Variants in PKN2 observed in about 807,000 individuals in gnomAD.
The protein encoded by PKN2 is serine/threonine-protein kinase N2.
A neutral mutation model predicts 119.1 loss-of-function variants in PKN2; 38 were observed. The ratio of observed to expected loss-of-function variants is 0.32; its 90% CI spans 0.25 to 0.42. The LOEUF (loss-of-function observed/expected upper bound fraction) is 0.42, where lower values mean the gene tolerates loss of function less well. Among genes scored for constraint, PKN2 ranks in the 10% least tolerant of loss-of-function variants. The probability of loss-of-function intolerance (pLI) is 1.00; values close to 1 mark genes in which losing one functional copy is unlikely to be tolerated. For missense variants in PKN2, 850 were observed against 1,165.1 expected (o/e 0.73, Z 3.94); for synonymous variants, 390 against 384.9 (o/e 1.01, Z -0.15).
At chr1:88,724,541 A>G (rs544733184) in intron 1 of PKN2, among the ~76,000 whole-genome samples, 1 of 151,744 alleles carries the variant, frequency 6.6e-6, no homozygotes, top group Non-Finnish European at 1.5e-5. Context: ...AACATTGAAG[A>G]AAGTGGCATT....
At chr1:88,809,743 T>TC (rs1671704174) in intron 15 of PKN2, among the ~76,000 whole-genome samples, 2 of 152,152 alleles carry the variant, frequency 1.3e-5, no homozygotes, top group Admixed American at 6.5e-5. Context: ...TGCCTCAGCT[T>TC]CCCATTGGGA....
chr1:88,806,095 G>C (rs1671527174), intron 12 of PKN2, 78 bp downstream of exon 12: 1 of 1,215,134 alleles, frequency 8.2e-7, no homozygotes, highest in East Asian at 2.3e-5. Flanking sequence ...AATAAGGCGT[G>C]TCTTTCCATT....
At chr1:88,805,170 C>T (rs1671487427) in intron 10 of PKN2, among the ~76,000 whole-genome samples, 1 of 152,100 alleles carries the variant, frequency 6.6e-6, no homozygotes, top group East Asian at 1.9e-4. Context: ...CCTCTCACTA[C>T]TTTCTCAAAT....
At chr1:88,820,699 T>C (rs1672244901) in intron 16 of PKN2, among the ~76,000 whole-genome samples, 1 of 152,248 alleles carries the variant, frequency 6.6e-6, no homozygotes, top group Admixed American at 6.5e-5. Flanking sequence ...TGAACGGCAG[T>C]GGAATGAGGT....
At chr1:88,821,546 T>TA (rs1672291081) in intron 16 of PKN2, among the ~76,000 whole-genome samples, 2 of 152,178 alleles carry the variant, frequency 1.3e-5, no homozygotes, top group Admixed American at 1.3e-4. Context: ...ACACCAAACT[T>TA]ACTTGTTATC....
At chr1:88,792,358 G>A (rs954070474) in intron 8 of PKN2, among the ~76,000 whole-genome samples, 3 of 152,156 alleles carry the variant, frequency 2.0e-5, no homozygotes, top group Admixed American at 6.6e-5. Flanking sequence ...AGCCAAGATC[G>A]TGCCACTGGA....
chr1:88,726,019 T>C (rs1044364710), intron 1 of PKN2, among the ~76,000 whole-genome samples: 1 of 152,240 alleles, frequency 6.6e-6, no homozygotes, highest in Non-Finnish European at 1.5e-5. Context: ...TGTTAGTATA[T>C]AGAAGAATGA....
chr1:88,807,267 T>C, intron 12 of PKN2, 46 bp from the exon 13 acceptor site: 1 of 1,245,394 alleles, frequency 8.0e-7, no homozygotes, highest in Admixed American at 2.5e-5. Flanking sequence ...AAATAAGTTG[T>C]TTTCTGGGTA....
intron 1 of PKN2, among the ~76,000 whole-genome samples, chr1:88,691,188 C>A (rs1462832839): frequency 2.0e-5 from 3 of 152,008 alleles, no homozygotes; most frequent in African/African-American, 7.3e-5. Context: ...CTCAGCCTCC[C>A]AAGTAGCTGG....
intron 6 of PKN2, among the ~76,000 whole-genome samples, chr1:88,782,925 C>T (rs1051208180): frequency 2.6e-5 from 4 of 152,186 alleles, no homozygotes; most frequent in Admixed American, 2.6e-4. Flanking sequence ...TTCTAGGACA[C>T]AGTTACTTGG....
chr1:88,773,843 G>A (rs780909857), intron 6 of PKN2, among the ~76,000 whole-genome samples: 1 of 152,030 alleles, frequency 6.6e-6, no homozygotes, highest in Non-Finnish European at 1.5e-5. Flanking sequence ...TAATCCTGGT[G>A]GTAACTACTG....
Position 88,795,247 on chromosome 1 carries a change from T to C in PKN2, c.1281+9034T>C, listed in dbSNP as rs552144400. ...CTCTCTCTTTCCTGTTTACAGTCTA[T>C]GATCATTCAAGTTGCCCTCTAGTTT... On this transcript the variant is annotated intron_variant, in intron 8 of 21. Coordinates refer to ENST00000370521, the MANE Select transcript of PKN2 (RefSeq NM_006256.4). Among the ~76,000 whole-genome samples, 10 of 152,326 alleles carry C rather than the reference T, an allele frequency of 6.6e-5. No individual in the cohort carries two copies. In the South Asian group the frequency reaches 2.1e-3, roughly 32 times the overall value.
At chr1:88,716,615 C>G (rs192881658) in intron 1 of PKN2, among the ~76,000 whole-genome samples, 16 of 152,112 alleles carry the variant, frequency 1.1e-4, no homozygotes, top group African/African-American at 3.9e-4. Flanking sequence ...AGGACTGCAA[C>G]CCCTGCTTTT....
chr1:88,699,515 C>T (rs1044324726), intron 1 of PKN2, among the ~76,000 whole-genome samples: 1 of 152,134 alleles, frequency 6.6e-6, no homozygotes, highest in African/African-American at 2.4e-5. Context: ...CAGATCATCC[C>T]ATCACCTGGG....
At chr1:88,814,669 C>G (rs1557630889) in intron 16 of PKN2, among the ~76,000 whole-genome samples, 1 of 152,142 alleles carries the variant, frequency 6.6e-6, no homozygotes, top group Non-Finnish European at 1.5e-5. Flanking sequence ...TTTTATTAAA[C>G]AGCAATACCA....
At chr1:88,820,533 C>CA (rs901201727) in intron 16 of PKN2, among the ~76,000 whole-genome samples, 77 of 136,708 alleles carry the variant, frequency 5.6e-4, no homozygotes, top group African/African-American at 1.3e-3. Flanking sequence ...AACTCCATCT[C>CA]AAAAAAAAAA....
At chr1:88,686,878 G>C (rs1666124746) in intron 1 of PKN2, among the ~76,000 whole-genome samples, 1 of 152,018 alleles carries the variant, frequency 6.6e-6, no homozygotes, top group Non-Finnish European at 1.5e-5. Context: ...CTGAAATACT[G>C]TTTAATATGA....
chr1:88,778,961 G>A (rs1010800923), intron 6 of PKN2, among the ~76,000 whole-genome samples: 1 of 152,176 alleles, frequency 6.6e-6, no homozygotes, highest in East Asian at 1.9e-4. Flanking sequence ...CTGACCTTGT[G>A]ATCCGCCCGC....
intron 1 of PKN2, among the ~76,000 whole-genome samples, chr1:88,689,492 A>C (rs747713827): frequency 1.3e-3 from 199 of 152,254 alleles, no homozygotes; most frequent in Non-Finnish European, 2.4e-3. Flanking sequence ...AAAATATTTC[A>C]ATTATGAGTC....
Sources: allele counts gnomAD v4.1 joint callset (sites outside exome capture counted in the v4.1 genomes callset), GRCh38; gene constraint gnomAD v4.1.1; transcripts MANE v1.5; gene names NCBI Gene and HGNC (gene_info 2026-07-23, HGNC 2026-07-21).